RORB: variants seen among roughly 807,000 people sequenced by gnomAD.
The protein encoded by RORB is nuclear receptor ROR-beta.
Under a neutral mutation model 59.1 loss-of-function variants are expected in RORB, and 6 were observed. The ratio of observed to expected loss-of-function variants is 0.10; its 90% CI spans 0.06 to 0.20. RORB has a LOEUF of 0.20. RORB is among the 10% of genes least tolerant of loss of function. The pLI is 1.00. For synonymous variants in RORB, 215 were observed against 204.5 expected (o/e 1.05, Z -0.44); for missense variants, 320 against 560.5 (o/e 0.57, Z 4.33).
intron 1 of RORB, among the ~76,000 whole-genome samples, chr9:74,592,265 TA>T (rs2118291899): frequency 6.6e-6 from 1 of 152,294 alleles, no homozygotes; most frequent in East Asian, 1.9e-4. Flanking sequence ...AAGGATTTAT[TA>T]AAAATTCAAA....
chr9:74,627,160 CAAA>C (rs5898367), intron 1 of RORB, among the ~76,000 whole-genome samples: 3 of 132,790 alleles, frequency 2.3e-5, no homozygotes, highest in African/African-American at 5.8e-5. Context: ...GACTCCATCT[CAAA>C]AAAAAAAAAA....
Position 74,609,825 on chromosome 9 carries a change from G to T in RORB, c.8-20457G>T, listed in dbSNP as rs574177278. ...AGTGGTTGTCAACTGGGCCTATTTT[G>T]TCCCCAGGGGGTATTTGGCAATATT... is the stretch of plus-strand genomic sequence containing the variant. On this transcript the variant is annotated intron_variant, in intron 1 of 9. Transcript: ENST00000376896. 3.3e-5 allele frequency among the ~76,000 whole-genome samples: 5 copies of T among 152,264 alleles called. No individual in the cohort carries two copies. In the East Asian group the frequency reaches 9.7e-4, roughly 29 times the overall value.
At chr9:74,627,123 C>T (rs910489814) in intron 1 of RORB, among the ~76,000 whole-genome samples, 16 of 149,004 alleles carry the variant, frequency 1.1e-4, no homozygotes, top group African/African-American at 3.7e-4. Flanking sequence ...GATCGCGCCA[C>T]TCCACTCCAG....
At chr9:74,619,662 G>A (rs889482961) in intron 1 of RORB, among the ~76,000 whole-genome samples, 25 of 152,104 alleles carry the variant, frequency 1.6e-4, no homozygotes, top group Admixed American at 1.6e-3. Context: ...ATGTTGGTCA[G>A]GCTGGTTTCA....
chr9:74,642,944 A>C (rs1823836679), intron 4 of RORB, 129 bp downstream of exon 4: 13 of 608,158 alleles, frequency 2.1e-5, no homozygotes. Context: ...CTACTGAGAA[A>C]ACAAATTGAT....
At chr9:74,566,517 C>T (rs1423075735) in intron 1 of RORB, among the ~76,000 whole-genome samples, 2 of 152,182 alleles carry the variant, frequency 1.3e-5, no homozygotes, top group East Asian at 3.8e-4. Flanking sequence ...GCCCTTCCGG[C>T]CGGGCACAGT....
intron 1 of RORB, among the ~76,000 whole-genome samples, chr9:74,595,297 C>G (rs1179051285): frequency 6.6e-6 from 1 of 152,146 alleles, no homozygotes; most frequent in Admixed American, 6.5e-5. Flanking sequence ...AGAAGCCTTC[C>G]CTGAAGCTCA....
intron 1 of RORB, among the ~76,000 whole-genome samples, chr9:74,613,723 AC>A (rs1223851108): frequency 1.3e-5 from 2 of 151,894 alleles, no homozygotes; most frequent in African/African-American, 4.8e-5. Context: ...CCTCCTCTCC[AC>A]CCCTTGCCTT....
At chr9:74,554,577 A>T (rs1021136938) in intron 1 of RORB, among the ~76,000 whole-genome samples, 1 of 27,016 alleles carries the variant, frequency 3.7e-5, no homozygotes, top group Admixed American at 3.7e-4. Context: ...TGAATAACTT[A>T]AAAAAAAAAA....
chr9:74,627,470 T>G (rs1823539246), intron 1 of RORB, among the ~76,000 whole-genome samples: 1 of 152,212 alleles, frequency 6.6e-6, no homozygotes, highest in Non-Finnish European at 1.5e-5. Flanking sequence ...TATGTATAAA[T>G]ATGCAGATGC....
At chr9:74,639,006 T>C (rs969140003) in intron 3 of RORB, among the ~76,000 whole-genome samples, 1 of 152,170 alleles carries the variant, frequency 6.6e-6, no homozygotes, top group Non-Finnish European at 1.5e-5. Context: ...CTTTGTTGAG[T>C]TTTTAGATGT....
chr9:74,674,854 A>G (rs1470645342), intron 9 of RORB, among the ~76,000 whole-genome samples: 1 of 152,248 alleles, frequency 6.6e-6, no homozygotes, highest in Non-Finnish European at 1.5e-5. Flanking sequence ...GCCACTTGCT[A>G]GATGAGTGTC....
At chr9:74,578,576 C>T (rs1234014624) in intron 1 of RORB, among the ~76,000 whole-genome samples, 6 of 152,122 alleles carry the variant, frequency 3.9e-5, no homozygotes, top group East Asian at 1.9e-4. Context: ...TTTAAAAAGA[C>T]GACCAAGTGA....
rs1252241640 is a variant in RORB at position 74,686,478 on chromosome 9, C to T, written c.*860C>T. On this transcript the variant is annotated 3_prime_UTR_variant, in exon 10 of 10. Transcript: ENST00000376896. ...AGGCCACAGATAACATTGCAAGGTC[C>T]AAGACTTTTTTGACCAAACAGTAGA... 1.3e-5 allele frequency: 2 copies of T among 152,190 alleles called. No homozygotes were observed. Among genetic ancestry groups the T allele is most frequent in the African/African-American group, 4.8e-5 (2 of 41,444 alleles). 9.4% of individuals were successfully genotyped at this position (152,190 alleles called of 1,614,324 possible).
intron 1 of RORB, among the ~76,000 whole-genome samples, chr9:74,510,226 A>C (rs2118037108): frequency 6.6e-6 from 1 of 152,318 alleles, no homozygotes; most frequent in East Asian, 1.9e-4. Flanking sequence ...TATTAGAAAG[A>C]AAATGAGCCA....
At chr9:74,627,689 A>G (rs1165493841) in intron 1 of RORB, among the ~76,000 whole-genome samples, 1 of 152,106 alleles carries the variant, frequency 6.6e-6, no homozygotes, top group African/African-American at 2.4e-5. Context: ...ATGCAAAGAG[A>G]ACCTTTGACT....
intron 1 of RORB, among the ~76,000 whole-genome samples, chr9:74,517,320 A>T (rs1244230718): frequency 6.6e-6 from 1 of 152,004 alleles, no homozygotes; most frequent in Non-Finnish European, 1.5e-5. Flanking sequence ...AACGAAAGGT[A>T]CTGACATCAG....
At chr9:74,556,643 T>C (rs1304113833) in intron 1 of RORB, among the ~76,000 whole-genome samples, 1 of 152,146 alleles carries the variant, frequency 6.6e-6, no homozygotes, top group Non-Finnish European at 1.5e-5. Context: ...GTCATAGCAA[T>C]TGGCTGATCT....
intron 1 of RORB, among the ~76,000 whole-genome samples, chr9:74,586,471 C>T (rs1404579679): frequency 1.3e-5 from 2 of 151,776 alleles, no homozygotes; most frequent in Non-Finnish European, 2.9e-5. Context: ...GCACTCCAGC[C>T]TGGGTGACAG....
Sources: allele counts gnomAD v4.1 joint callset (sites outside exome capture counted in the v4.1 genomes callset), GRCh38; gene constraint gnomAD v4.1.1; transcripts MANE v1.5; gene names NCBI Gene and HGNC (gene_info 2026-07-23, HGNC 2026-07-21).